GPAT4: variants seen among roughly 807,000 people sequenced by gnomAD.
The protein encoded by GPAT4 is 1-AGP acyltransferase 6.
Under a neutral mutation model 58.0 loss-of-function variants are expected in GPAT4, and 17 were observed. That is an observed-to-expected ratio of 0.29 (90% CI 0.20 to 0.44). The LOEUF (loss-of-function observed/expected upper bound fraction) is 0.44, where lower values mean the gene tolerates loss of function less well. GPAT4 is among the 20% of genes least tolerant of loss of function. The pLI is 1.00. For synonymous variants in GPAT4, 204 were observed against 210.1 expected (o/e 0.97, Z 0.25); for missense variants, 377 against 574.5 (o/e 0.66, Z 3.51).
intron 10 of GPAT4, among the ~76,000 whole-genome samples, chr8:41,615,396 G>A (rs1281767598): frequency 6.6e-6 from 1 of 151,380 alleles, no homozygotes; most frequent in African/African-American, 2.4e-5. Flanking sequence ...TGATTGCAGG[G>A]CACAGTGGTG....
chr8:41,619,058 G>A (rs768233542), intron 12 of GPAT4, 81 bp downstream of exon 12: 161 of 1,508,098 alleles, frequency 1.1e-4, no homozygotes, highest in Admixed American at 2.0e-4. Flanking sequence ...GTCATTCCCC[G>A]TGGTGTGGAG....
chr8:41,586,680 C>T (rs1386374338), intron 1 of GPAT4, among the ~76,000 whole-genome samples: 1 of 152,294 alleles, frequency 6.6e-6, no homozygotes, highest in African/African-American at 2.4e-5. Context: ...CACCAGCTTT[C>T]ATGCCCTGGG....
In GPAT4 at chr8:41,623,382, T is replaced by TC. The variant is rs1405627257; in HGVS notation, c.*2384dup. 1 of 152,152 alleles carries TC rather than the reference T, an allele frequency of 6.6e-6. No homozygotes were observed. Among genetic ancestry groups the TC allele is most frequent in the Non-Finnish European group, 1.5e-5 (1 of 68,040 alleles). The allele number at this position is 152,152 out of a possible 1,614,324, so 9.4% of individuals were successfully genotyped here. On this transcript the variant is annotated 3_prime_UTR_variant, in exon 13 of 13. Transcript: ENST00000396987. Reference sequence around the variant, plus strand: ...ACATGCAAAGTACAAAATAATGTGTTCCCTCCTGTTACCCCAGCAAGGGTG... The same window carrying TC: ...ACATGCAAAGTACAAAATAATGTGTTCCCCTCCTGTTACCCCAGCAAGGGTG...
At chr8:41,583,190 A>C (rs1022401366) in intron 1 of GPAT4, among the ~76,000 whole-genome samples, 1 of 152,052 alleles carries the variant, frequency 6.6e-6, no homozygotes, top group African/African-American at 2.4e-5. Flanking sequence ...GCACCACTGC[A>C]CTCCAGCCTG....
At chr8:41,612,816 C>T (rs748587561) in intron 7 of GPAT4, 29 bp from the exon 8 acceptor site, 3 of 1,595,490 alleles carry the variant, frequency 1.9e-6, no homozygotes, top group South Asian at 1.1e-5. Context: ...GATGGCTTCA[C>T]TACTAATGAG....
At chr8:41,585,136 A>C (rs1802617978) in intron 1 of GPAT4, among the ~76,000 whole-genome samples, 1 of 152,142 alleles carries the variant, frequency 6.6e-6, no homozygotes, top group Non-Finnish European at 1.5e-5. Flanking sequence ...ACCAGTCCCG[A>C]TACACTCGAC....
In GPAT4 at chr8:41,598,452, T is replaced by C. The variant is rs1345616764; in HGVS notation, c.-688T>C. On this transcript the variant is annotated 5_prime_UTR_variant, in exon 2 of 13. Transcript: ENST00000396987. ...CATTGTGTGCCAGCATCTCTTTCCT[T>C]CTGGCAAAGACTGTAGCTCTCCAGG... is the stretch of plus-strand genomic sequence containing the variant. 1.3e-5 allele frequency: 2 copies of C among 152,230 alleles called. No individual in the cohort carries two copies. The highest frequency in any genetic ancestry group is 2.4e-5 in the African/African-American group (1 of 41,438). The allele number at this position is 152,230 out of a possible 1,614,324, so 9.4% of individuals were successfully genotyped here.
At chr8:41,606,011 G>C (rs1022218222) in intron 2 of GPAT4, among the ~76,000 whole-genome samples, 1 of 152,210 alleles carries the variant, frequency 6.6e-6, no homozygotes, top group Non-Finnish European at 1.5e-5. Context: ...AGCTGGGTGA[G>C]AGCATCCTCT....
In GPAT4 at chr8:41,598,978, G is replaced by A; in HGVS notation, c.-162G>A. 2.2e-6 allele frequency: 2 copies of A among 895,184 alleles called. No homozygotes were observed. The highest frequency in any genetic ancestry group is 3.3e-6 in the Non-Finnish European group (2 of 597,660). The allele number at this position is 895,184 out of a possible 1,614,324, so 55.5% of individuals were successfully genotyped here. Reference sequence around the variant, plus strand: ...TGTTTTTCTGTCATTCTGTTCCCAGGCCTTCTATTCAGGCGGTTGAAGGGT... The same window carrying A: ...TGTTTTTCTGTCATTCTGTTCCCAGACCTTCTATTCAGGCGGTTGAAGGGT... On this transcript the variant is annotated 5_prime_UTR_variant, in exon 2 of 13. Coordinates refer to ENST00000396987, the MANE Select transcript of GPAT4 (RefSeq NM_178819.4).
In GPAT4 at chr8:41,624,277, G is replaced by A. The variant is rs1197735482; in HGVS notation, c.*3276G>A. ...CTTGATGTGTGAGGGGTCAGGGGGA[G>A]TGCTCCAGATCCCTGAAATGCCCTT... is the stretch of plus-strand genomic sequence containing the variant. On this transcript the variant is annotated 3_prime_UTR_variant, in exon 13 of 13. Transcript: ENST00000396987. The A allele has an allele frequency of 6.6e-6, 1 of 152,280 alleles. No individual in the cohort carries two copies. The highest frequency in any genetic ancestry group is 1.5e-5 in the Non-Finnish European group (1 of 68,088). The allele number at this position is 152,280 out of a possible 1,614,324, so 9.4% of individuals were successfully genotyped here. A position where few individuals can be genotyped will look rare whatever the true frequency, so the allele number is the denominator to read the frequency against.
At chr8:41,582,177 T>C (rs1308847365) in intron 1 of GPAT4, among the ~76,000 whole-genome samples, 1 of 151,372 alleles carries the variant, frequency 6.6e-6, no homozygotes, top group Admixed American at 6.6e-5. Flanking sequence ...TTAATTTTTG[T>C]ATTTTTAGTA....
intron 2 of GPAT4, among the ~76,000 whole-genome samples, chr8:41,600,055 C>T (rs13282445): frequency 0.56 from 52,945 of 93,784 alleles, 12,136 homozygotes; most frequent in Middle Eastern, 0.65. Flanking sequence ...TTTTTTTTTT[C>T]GAGACAAGAG....
At chr8:41,619,114 A>G (rs1415559067) in intron 12 of GPAT4, 137 bp downstream of exon 12, 3 of 1,069,394 alleles carry the variant, frequency 2.8e-6, no homozygotes, top group Non-Finnish European at 4.1e-6. Context: ...CTCTCCCCGA[A>G]TTCCAACCCA....
intron 1 of GPAT4, chr8:41,584,948 T>A (rs1238063335): frequency 2.0e-5 from 3 of 152,182 alleles, no homozygotes; most frequent in Non-Finnish European, 4.4e-5. Flanking sequence ...GCCAGTTGGA[T>A]CCTGGCTTTG....
At chr8:41,590,307 A>T (rs1802757171) in intron 1 of GPAT4, among the ~76,000 whole-genome samples, 1 of 152,166 alleles carries the variant, frequency 6.6e-6, no homozygotes, top group Admixed American at 6.5e-5. Flanking sequence ...GGCTGGTCTC[A>T]AACTCCTGAC....
intron 1 of GPAT4, among the ~76,000 whole-genome samples, chr8:41,586,843 C>T (rs1802666887): frequency 6.6e-6 from 1 of 152,174 alleles, no homozygotes; most frequent in Admixed American, 6.5e-5. Flanking sequence ...GGTAAGAACC[C>T]TTAACCCAGT....
At chr8:41,597,746 C>G (rs1267953039) in intron 1 of GPAT4, among the ~76,000 whole-genome samples, 2 of 152,140 alleles carry the variant, frequency 1.3e-5, no homozygotes, top group Non-Finnish European at 1.5e-5. Context: ...TGAAGGAGCT[C>G]TATGTGTATT....
chr8:41,591,071 C>G (rs1276138551), intron 1 of GPAT4, among the ~76,000 whole-genome samples: 2 of 152,200 alleles, frequency 1.3e-5, no homozygotes, highest in Non-Finnish European at 2.9e-5. Flanking sequence ...ATTCCTGTCC[C>G]TTTTAAGGGC....
intron 10 of GPAT4, among the ~76,000 whole-genome samples, chr8:41,617,198 C>T (rs974231810): frequency 6.6e-6 from 1 of 152,068 alleles, no homozygotes; most frequent in South Asian, 2.1e-4. Flanking sequence ...CCCGTCTCTA[C>T]TAAAAATACA....
Sources: allele counts gnomAD v4.1 joint callset (sites outside exome capture counted in the v4.1 genomes callset), GRCh38; gene constraint gnomAD v4.1.1; transcripts MANE v1.5; gene names NCBI Gene and HGNC (gene_info 2026-07-23, HGNC 2026-07-21).